Variants in SENP2 observed in about 807,000 individuals in gnomAD.
SENP2 encodes sentrin-specific protease 2.
In SENP2, 16 loss-of-function variants were observed where a neutral mutation model predicts 86.3. The ratio of observed to expected loss-of-function variants is 0.19; its 90% CI spans 0.13 to 0.28. The LOEUF (loss-of-function observed/expected upper bound fraction) is 0.28, where lower values mean the gene tolerates loss of function less well. SENP2 is among the 10% of genes least tolerant of loss of function. The pLI, the probability that SENP2 is intolerant of heterozygous loss-of-function variation, is 1.00. For missense variants in SENP2, 552 were observed against 703.0 expected, an observed-to-expected ratio of 0.79 and a Z score of 2.43; for synonymous variants, 222 against 238.7, an observed-to-expected ratio of 0.93 and a Z score of 0.64.
At chr3:185,607,070 C>T (rs1303141504) in intron 6 of SENP2, among the ~76,000 whole-genome samples, 5 of 150,834 alleles carry the variant, frequency 3.3e-5, no homozygotes, top group African/African-American at 4.9e-5. Flanking sequence ...CAACCTCTGT[C>T]TCCCACGTTC....
intron 12 of SENP2, 113 bp from the exon 13 acceptor site, chr3:185,619,186 T>C (rs1376259383): frequency 1.3e-6 from 1 of 765,614 alleles, no homozygotes; most frequent in African/African-American, 1.8e-5. Context: ...TAGACAGTCT[T>C]TTTATCCTCT....
intron 6 of SENP2, 72 bp from the exon 7 acceptor site, chr3:185,609,175 T>C (rs1722606573): frequency 1.0e-6 from 1 of 964,884 alleles, no homozygotes. Flanking sequence ...AACACACCTA[T>C]GGTTTACATT....
chr3:185,591,728 T>C (rs1473090149), intron 2 of SENP2, among the ~76,000 whole-genome samples: 2 of 150,140 alleles, frequency 1.3e-5, no homozygotes, highest in African/African-American at 4.9e-5. Context: ...AGGGAACCCA[T>C]CTTTTCTATT....
chr3:185,594,557 G>GA (rs199540279), intron 2 of SENP2, among the ~76,000 whole-genome samples: 8,389 of 147,912 alleles, frequency 0.057, 306 homozygotes, highest in Non-Finnish European at 0.081. Flanking sequence ...GCTTTTGAGA[G>GA]AAAAAAAAGC....
intron 2 of SENP2, among the ~76,000 whole-genome samples, chr3:185,593,130 T>C (rs112869755): frequency 4.4e-4 from 67 of 152,202 alleles, no homozygotes; most frequent in Middle Eastern, 3.4e-3. Context: ...ATGGATAGGA[T>C]ATCAAAGGAG....
chr3:185,631,432 CCCCTCCCACT>C lies in SENP2; in HGVS notation c.*1592_*1601del, dbSNP rs1712452997. On this transcript the variant is annotated 3_prime_UTR_variant, in exon 17 of 17. Transcript: ENST00000296257. ...CAGGTTGTACCACACCTCTCCCCCC[CCCCTCCCACT>C]CCCCCTCCCTCCCTCTCCCCTCCCC... 6.8e-5 allele frequency: 2 copies of C among 29,398 alleles called. No individual in the cohort carries two copies. The highest frequency in any genetic ancestry group is 1.7e-4 in the African/African-American group (1 of 5,982). 1.8% of individuals were successfully genotyped at this position (29,398 alleles called of 1,614,324 possible). A position where few individuals can be genotyped will look rare whatever the true frequency, so the allele number is the denominator to read the frequency against.
chr3:185,606,852 A>G, intron 6 of SENP2: 1 of 487,408 alleles, frequency 2.1e-6, no homozygotes, highest in Admixed American at 2.3e-5. Flanking sequence ...TTGAAGGCAC[A>G]GACACAGAGT....
At chr3:185,617,385 C>T (rs1711662220) in intron 11 of SENP2, 95 bp from the exon 12 acceptor site, 6 of 944,300 alleles carry the variant, frequency 6.4e-6, no homozygotes, top group Non-Finnish European at 9.3e-6. Flanking sequence ...TCAGGTGTTG[C>T]CGAGATGAAA....
intron 16 of SENP2, among the ~76,000 whole-genome samples, chr3:185,627,003 C>T (rs925593822): frequency 1.1e-4 from 16 of 144,128 alleles, no homozygotes; most frequent in African/African-American, 3.4e-4. Context: ...TGCTTGAACC[C>T]GGGAGGTGGA....
chr3:185,627,034 G>A (rs977958092), intron 16 of SENP2, among the ~76,000 whole-genome samples: 1 of 147,912 alleles, frequency 6.8e-6, no homozygotes, highest in Non-Finnish European at 1.5e-5. Flanking sequence ...AGCCGAGATC[G>A]TGCCATTGCA....
intron 4 of SENP2, among the ~76,000 whole-genome samples, chr3:185,600,107 A>G (rs1560191973): frequency 6.6e-6 from 1 of 152,114 alleles, no homozygotes; most frequent in Non-Finnish European, 1.5e-5. Flanking sequence ...CAAAGATGAT[A>G]TTACTTTGAA....
At chr3:185,596,549 A>C (rs1157671258) in intron 2 of SENP2, among the ~76,000 whole-genome samples, 1 of 150,656 alleles carries the variant, frequency 6.6e-6, no homozygotes, top group Admixed American at 6.6e-5. Context: ...TGAGCCTGGG[A>C]GGTTGAGGCT....
At chr3:185,587,584 T>TTTTTTTTTTTTTTTTTTTTTA (rs1560186545) in intron 1 of SENP2, among the ~76,000 whole-genome samples, 1 of 149,576 alleles carries the variant, frequency 6.7e-6, no homozygotes, top group African/African-American at 2.5e-5. Context: ...TTTTTTTTTT[T>TTTTTTTTTTTTTTTTTTTTTA]GAGAAGGAGT....
In SENP2 at chr3:185,612,511, A is replaced by T. The variant is rs1722730014; in HGVS notation, c.818-96A>T. 5.0e-6 allele frequency: 4 copies of T among 794,050 alleles called. No individual in the cohort carries two copies. The South Asian group carries it at 6.6e-5, about 13-fold the overall frequency. 49.2% of individuals were successfully genotyped at this position (794,050 alleles called of 1,614,324 possible). ...CACTGTAGCATTTCAATGTAGAGGAATGTCTTGATGTTGTGGAAACTCTGT... is the reference window on the plus strand; with the variant it reads ...CACTGTAGCATTTCAATGTAGAGGATTGTCTTGATGTTGTGGAAACTCTGT... On this transcript the variant is annotated intron_variant, in intron 8 of 16. Transcript: ENST00000296257.
In SENP2 at chr3:185,623,309, T is replaced by G. The variant is rs982450993; in HGVS notation, c.1527-689T>G. On this transcript the variant is annotated intron_variant, in intron 14 of 16. Coordinates refer to ENST00000296257, the MANE Select transcript of SENP2 (RefSeq NM_021627.3). ...GCTTGTGCCACCACGCCCGGCTAAT[T>G]TTGTATTTTTAGTAGAGATGAGGTT... Among the ~76,000 whole-genome samples, 6 of 151,870 alleles carry G rather than the reference T, an allele frequency of 4.0e-5. No homozygotes were observed. In the South Asian group the frequency reaches 1.0e-3, roughly 26 times the overall value.
At chr3:185,626,272 C>T (rs767190275) in intron 15 of SENP2, 26 bp from the exon 16 acceptor site, 2 of 1,474,190 alleles carry the variant, frequency 1.4e-6, no homozygotes, top group Non-Finnish European at 1.9e-6. Flanking sequence ...ACCCTTTCCT[C>T]TCTTCTTTTT....
rs867900173 is a variant in SENP2, at chr3:185,625,313, A to T, written c.1612-985A>T. On this transcript the variant is annotated intron_variant, in intron 15 of 16. Transcript: ENST00000296257. ...TTTTTAGTAGAGACGGAGTTTCACCATGTTAGCCAGGATGGTCTTGATCTC... is the reference window on the plus strand; with the variant it reads ...TTTTTAGTAGAGACGGAGTTTCACCTTGTTAGCCAGGATGGTCTTGATCTC... 2.0e-4 allele frequency among the ~76,000 whole-genome samples: 31 copies of T among 152,104 alleles called. No homozygotes were observed. The Middle Eastern group carries it at 0.01, about 50-fold the overall frequency.
intron 13 of SENP2, among the ~76,000 whole-genome samples, chr3:185,620,327 T>G (rs998903956): frequency 5.3e-5 from 8 of 152,196 alleles, no homozygotes; most frequent in Non-Finnish European, 1.0e-4. Flanking sequence ...TCCTCCCACC[T>G]CAGCCTCTCA....
chr3:185,613,256 C>T, intron 9 of SENP2, 89 bp from the exon 10 acceptor site: 3 of 815,230 alleles, frequency 3.7e-6, no homozygotes, highest in Non-Finnish European at 6.1e-6. Context: ...TTTTTATGTA[C>T]AAATTACGAA....
Sources: allele counts gnomAD v4.1 joint callset (sites outside exome capture counted in the v4.1 genomes callset), GRCh38; gene constraint gnomAD v4.1.1; transcripts MANE v1.5; gene names NCBI Gene and HGNC (gene_info 2026-07-23, HGNC 2026-07-21).